ELOVL3: variants seen among roughly 807,000 people sequenced by gnomAD.
The protein encoded by ELOVL3 is very long chain fatty acid elongase 3.
Under a neutral mutation model 14.9 loss-of-function variants are expected in ELOVL3, and 11 were observed. The observed-to-expected ratio is 0.74, with a 90% CI of 0.46 to 1.22. The LOEUF (loss-of-function observed/expected upper bound fraction) is 1.22, where lower values mean the gene tolerates loss of function less well. Ranked by LOEUF, ELOVL3 falls within the 50% of genes most tolerant of loss-of-function variation. ELOVL3 has a pLI of 0.00. For missense variants in ELOVL3, 277 were observed against 338.9 expected (o/e 0.82, Z 1.43); for synonymous variants, 117 against 124.7 (o/e 0.94, Z 0.41).
Position 102,229,311 on chromosome 10 carries a change from G to A in ELOVL3, c.*59G>A. On this transcript the variant is annotated 3_prime_UTR_variant, in exon 4 of 4. Transcript: ENST00000370005. ...CTCTTCTCCAGGGCACCAAGAGGCT[G>A]GGCTTAGTTTTGGGAGAATGATTAG... 6.6e-7 allele frequency: 1 copy of A among 1,505,432 alleles called. No homozygotes were observed. Among genetic ancestry groups the A allele is most frequent in the Non-Finnish European group, 9.0e-7 (1 of 1,116,840 alleles). 93.3% of individuals were successfully genotyped at this position (1,505,432 alleles called of 1,614,324 possible). A position where few individuals can be genotyped will look rare whatever the true frequency, so the allele number is the denominator to read the frequency against.
intron 2 of ELOVL3, 124 bp from the exon 3 acceptor site, chr10:102,228,293 C>T: frequency 2.0e-6 from 2 of 1,001,206 alleles, no homozygotes; most frequent in Non-Finnish European, 2.9e-6. Context: ...CTTTGACCCA[C>T]CCCCTGTGGA....
intron 1 of ELOVL3, among the ~76,000 whole-genome samples, chr10:102,227,340 C>T (rs563263566): frequency 9.2e-5 from 14 of 152,288 alleles, no homozygotes; most frequent in Non-Finnish European, 2.1e-4. Context: ...CCGTCACCCA[C>T]CTCTAACCCC....
At chr10:102,226,690 G>A (rs1280549997) in intron 1 of ELOVL3, 41 bp downstream of exon 1, 1 of 1,476,266 alleles carries the variant, frequency 6.8e-7, no homozygotes, top group East Asian at 2.3e-5. Flanking sequence ...CAGGGCCCCG[G>A]GGCCGGGGCG....
upstream of ELOVL3, among the ~76,000 whole-genome samples, chr10:102,226,037 G>A (rs971706643): frequency 1.3e-5 from 2 of 152,266 alleles, no homozygotes; most frequent in African/African-American, 2.4e-5. Context: ...TCACTGCTAA[G>A]CAGGTCAAGA....
At chr10:102,226,145 G>A (rs929674481), upstream of ELOVL3, among the ~76,000 whole-genome samples, 2 of 152,254 alleles carry the variant, frequency 1.3e-5, no homozygotes, top group African/African-American at 4.8e-5. Flanking sequence ...AAAAGGCTGG[G>A]GAAGTGGGCG....
intron 3 of ELOVL3, 114 bp downstream of exon 3, chr10:102,228,682 C>T: frequency 7.0e-7 from 1 of 1,433,846 alleles, no homozygotes. Context: ...CCCAATAATA[C>T]CTCTCACCCA....
intron 2 of ELOVL3, 79 bp downstream of exon 2, chr10:102,227,836 T>G: frequency 1.3e-6 from 2 of 1,535,934 alleles, no homozygotes; most frequent in Non-Finnish European, 1.8e-6. Flanking sequence ...CCCGATTGCA[T>G]CAACCTCCAT....
In ELOVL3 at chr10:102,229,308, G is replaced by T; in HGVS notation, c.*56G>T. 1 of 1,508,254 alleles carries T rather than the reference G, an allele frequency of 6.6e-7. No homozygotes were observed. Among genetic ancestry groups the T allele is most frequent in the Non-Finnish European group, 8.9e-7 (1 of 1,117,486 alleles). 93.4% of individuals were successfully genotyped at this position (1,508,254 alleles called of 1,614,324 possible). A position where few individuals can be genotyped will look rare whatever the true frequency, so the allele number is the denominator to read the frequency against. On this transcript the variant is annotated 3_prime_UTR_variant, in exon 4 of 4. Transcript: ENST00000370005. ...TCTCTCTTCTCCAGGGCACCAAGAG[G>T]CTGGGCTTAGTTTTGGGAGAATGAT...
chr10:102,227,534 T>C (rs2070147690), intron 1 of ELOVL3, 92 bp from the exon 2 acceptor site: 1 of 1,435,972 alleles, frequency 7.0e-7, no homozygotes, highest in Non-Finnish European at 9.5e-7. Flanking sequence ...GAACTGGGAC[T>C]CCAACCCAGA....
Position 102,226,749 on chromosome 10 carries a change from T to C in ELOVL3, c.101+100T>C, listed in dbSNP as rs534814004. 3.7e-6 allele frequency: 3 copies of C among 807,448 alleles called. No individual in the cohort carries two copies. In the African/African-American group the frequency reaches 5.2e-5, roughly 14 times the overall value. The allele number at this position is 807,448 out of a possible 1,614,324, so 50.0% of individuals were successfully genotyped here. ...ACAATGATTTTCTTACAGAGCAGAG[T>C]TATGGGACTCCCTTGTACTGGCTTC... On this transcript the variant is annotated intron_variant, in intron 1 of 3. Coordinates refer to ENST00000370005, the MANE Select transcript of ELOVL3 (RefSeq NM_152310.3).
At chr10:102,225,405 T>C (rs1166831790), upstream of ELOVL3, among the ~76,000 whole-genome samples, 1 of 152,226 alleles carries the variant, frequency 6.6e-6, no homozygotes, top group Non-Finnish European at 1.5e-5. Context: ...TATATCTATG[T>C]TTCTTAGCAC....
chr10:102,228,502 T>C lies in ELOVL3; in HGVS notation c.319T>C (p.Phe107Leu). 2 of 1,614,160 alleles carry C rather than the reference T, an allele frequency of 1.2e-6. No individual in the cohort carries two copies. The highest frequency in any genetic ancestry group is 8.5e-7 in the Non-Finnish European group (1 of 1,180,030). The change falls in exon 3 of 4, where the codon TTC (phenylalanine) becomes CTC (leucine). Residue 107 changes from phenylalanine (F) to leucine (L), a missense_variant. Transcript: ENST00000370005. ...GLKQTVCFIN[F>L]IDNSTVKFWS... is the part of the protein sequence containing the mutation. The stretch of plus-strand genomic sequence containing the variant: ...AAAGCAAACCGTGTGCTTCATCAAC[T>C]TCATCGATAATTCCACAGTCAAATT...
chr10:102,226,746 G>C, intron 1 of ELOVL3, 97 bp downstream of exon 1: 1 of 826,300 alleles, frequency 1.2e-6, no homozygotes, highest in Non-Finnish European at 2.0e-6. Context: ...TTACAGAGCA[G>C]AGTTATGGGA....
chr10:102,227,876 C>G, intron 2 of ELOVL3, 119 bp downstream of exon 2: 1 of 1,129,490 alleles, frequency 8.9e-7, no homozygotes, highest in South Asian at 1.4e-5. Context: ...GTAACACTCT[C>G]CCCATCTCAT....
At chr10:102,228,734 C>T in intron 3 of ELOVL3, 91 bp from the exon 4 acceptor site, 3 of 1,454,518 alleles carry the variant, frequency 2.1e-6, no homozygotes, top group East Asian at 4.6e-5. Flanking sequence ...CCCCTTCCCT[C>T]CCCTGAGAAT....
In ELOVL3 at chr10:102,229,093, C is replaced by A; in HGVS notation, c.654C>A (p.Ile218=). 6.2e-7 allele frequency: 1 copy of A among 1,614,180 alleles called. No homozygotes were observed. The highest frequency in any genetic ancestry group is 8.5e-7 in the Non-Finnish European group (1 of 1,180,032). ...LQMFVGAIVS[I]LTYIWRQDQG... is the part of the protein sequence containing the mutation. ...TGTTTGTAGGAGCCATCGTCAGCAT[C>A]CTCACGTACATCTGGAGGCAGGATC... is the stretch of plus-strand genomic sequence containing the variant. Residue 218 remains isoleucine (I), a synonymous_variant, in exon 4 of 4, where the codon ATC becomes ATA. Transcript: ENST00000370005.
rs36103207 is a variant in ELOVL3, at chr10:102,228,508, G to C, written c.325G>C (p.Asp109His). Residue 109 changes from aspartate (D) to histidine (H), a missense_variant, in exon 3 of 4, where the codon GAT becomes CAT. Coordinates refer to ENST00000370005, the MANE Select transcript of ELOVL3 (RefSeq NM_152310.3). Reference protein sequence around the residue: ...KQTVCFINFIDNSTVKFWSWV... With the variant: ...KQTVCFINFIHNSTVKFWSWV... ...AACCGTGTGCTTCATCAACTTCATCGATAATTCCACAGTCAAATTCTGGTC... is the reference window on the plus strand; with the variant it reads ...AACCGTGTGCTTCATCAACTTCATCCATAATTCCACAGTCAAATTCTGGTC... The C allele has an allele frequency of 9.9e-6, 16 of 1,613,958 alleles. No individual in the cohort carries two copies. Among genetic ancestry groups the C allele is most frequent in the Non-Finnish European group, 1.4e-5 (16 of 1,180,008 alleles).
Position 102,228,549 on chromosome 10 carries a change from C to T in ELOVL3, c.366C>T (p.Leu122=). 1 of 1,614,168 alleles carries T rather than the reference C, an allele frequency of 6.2e-7. No homozygotes were observed. Residue 122 remains leucine (L), a synonymous_variant, in exon 3 of 4, where the codon CTC becomes CTT. Coordinates refer to ENST00000370005, the MANE Select transcript of ELOVL3 (RefSeq NM_152310.3). ...TVKFWSWVFL[L]SKVIELGDTA... Reference sequence around the variant, plus strand: ...AATTCTGGTCCTGGGTCTTTCTTCTCAGCAAGGTCATAGAACTCGGTGAGT... The same window carrying T: ...AATTCTGGTCCTGGGTCTTTCTTCTTAGCAAGGTCATAGAACTCGGTGAGT...
At chr10:102,228,783 C>T in intron 3 of ELOVL3, 42 bp from the exon 4 acceptor site, 1 of 1,569,396 alleles carries the variant, frequency 6.4e-7, no homozygotes, top group Non-Finnish European at 8.7e-7. Context: ...AGGGTGGTCC[C>T]AGCACTGGGT....
Sources: allele counts gnomAD v4.1 joint callset (sites outside exome capture counted in the v4.1 genomes callset), GRCh38; gene constraint gnomAD v4.1.1; transcripts MANE v1.5; gene names NCBI Gene and HGNC (gene_info 2026-07-23, HGNC 2026-07-21).